Variants in EXO1 observed in about 807,000 individuals in gnomAD.
The protein encoded by EXO1 is exonuclease 1.
A neutral mutation model predicts 84.5 loss-of-function variants in EXO1; 69 were observed. That is an observed-to-expected ratio of 0.82 (90% CI 0.67 to 1.00). EXO1 has a LOEUF of 1.00. EXO1 is among the 50% of genes least tolerant of loss of function. EXO1 has a pLI of 0.00. For missense variants in EXO1, 1,045 were observed against 1,000.7 expected, an observed-to-expected ratio of 1.04 and a Z score of -0.60; for synonymous variants, 373 against 366.1, an observed-to-expected ratio of 1.02 and a Z score of -0.21.
intron 10 of EXO1, among the ~76,000 whole-genome samples, chr1:241,863,427 A>G (rs985141441): frequency 5.3e-5 from 8 of 151,332 alleles, no homozygotes; most frequent in African/African-American, 1.9e-4. Flanking sequence ...AAAAAACAAA[A>G]AAAGCGTATG....
chr1:241,882,425 C>T (rs187912542), intron 14 of EXO1, among the ~76,000 whole-genome samples: 1 of 152,230 alleles, frequency 6.6e-6, no homozygotes. Context: ...TTACTGGTCC[C>T]AAGGCATGTA....
Position 241,861,506 on chromosome 1 carries a change from A to G in EXO1, c.1041+4A>G, listed in dbSNP as rs772470060. 1.0e-5 allele frequency: 15 copies of G among 1,487,224 alleles called. No individual in the cohort carries two copies. Among genetic ancestry groups the G allele is most frequent in the Non-Finnish European group, 1.4e-5 (15 of 1,064,272 alleles). 92.1% of individuals were successfully genotyped at this position (1,487,224 alleles called of 1,614,324 possible). A position where few individuals can be genotyped will look rare whatever the true frequency, so the allele number is the denominator to read the frequency against. On this transcript the variant is annotated splice_donor_region_variant and intron_variant, in intron 10 of 15. Coordinates refer to ENST00000366548, the MANE Select transcript of EXO1 (RefSeq NM_130398.4). ...CTACAATCCAGACACTGCTATGGTA[A>G]CGTTTTGATGACCACCCTATGAAAA...
intron 12 of EXO1, among the ~76,000 whole-genome samples, chr1:241,874,306 C>T (rs534250239): frequency 9.2e-5 from 14 of 152,180 alleles, no homozygotes; most frequent in African/African-American, 2.6e-4. Flanking sequence ...GGCTGAGACA[C>T]GAGAATTGCT....
chr1:241,878,798 A>G lies in EXO1; in HGVS notation c.1564A>G (p.Ile522Val). The G allele has an allele frequency of 1.2e-6, 2 of 1,614,068 alleles. No individual in the cohort carries two copies. The highest frequency in any genetic ancestry group is 1.7e-6 in the Non-Finnish European group (2 of 1,180,000). Residue 522 changes from isoleucine (I) to valine (V), a missense_variant, in exon 13 of 16, where the codon ATC becomes GTC. Transcript: ENST00000366548. ...TGACTGTGTATCAAACAAAGTGAGC[A>G]TCCAGCCTCTGGATGAAACTGCTGT... ...STDCVSNKVS[I>V]QPLDETAVTD...
At chr1:241,884,091 A>G (rs1662913872) in intron 14 of EXO1, among the ~76,000 whole-genome samples, 1 of 152,120 alleles carries the variant, frequency 6.6e-6, no homozygotes, top group South Asian at 2.1e-4. Context: ...ATAAAATTAT[A>G]TTATCTGCCA....
chr1:241,875,653 C>A (rs563786574), intron 12 of EXO1, among the ~76,000 whole-genome samples: 138 of 152,118 alleles, frequency 9.1e-4, no homozygotes, highest in Non-Finnish European at 1.8e-3. Context: ...CCAAGGCGGT[C>A]GGATCATGAG....
At chr1:241,863,016 A>T (rs551098554) in intron 10 of EXO1, among the ~76,000 whole-genome samples, 7 of 152,322 alleles carry the variant, frequency 4.6e-5, no homozygotes, top group Admixed American at 4.6e-4. Flanking sequence ...AAGGGATTCT[A>T]TAGAAAGAAA....
chr1:241,859,497 A>G (rs1329449187), intron 8 of EXO1, among the ~76,000 whole-genome samples: 1 of 152,222 alleles, frequency 6.6e-6, no homozygotes, highest in African/African-American at 2.4e-5. Context: ...TAAGGCTTAT[A>G]TGAAACATAA....
chr1:241,883,744 G>GGTA (rs59128023), intron 14 of EXO1, among the ~76,000 whole-genome samples: 4 of 151,694 alleles, frequency 2.6e-5, no homozygotes, highest in Non-Finnish European at 4.4e-5. Context: ...TATGTATAGT[G>GGTA]TTTTTGTTTA....
chr1:241,874,952 C>T lies in EXO1; in HGVS notation c.1514+2674C>T, dbSNP rs138209452. ...AGAAAAGTTACCAGCTCCTGTATTC[C>T]ACTAGAAGACTTCGAATGAATAGTC... On this transcript the variant is annotated intron_variant, in intron 12 of 15. Coordinates refer to ENST00000366548, the MANE Select transcript of EXO1 (RefSeq NM_130398.4). Among the ~76,000 whole-genome samples, 12 of 152,238 alleles carry T rather than the reference C, an allele frequency of 7.9e-5. No homozygotes were observed. In the East Asian group the frequency reaches 1.9e-3, roughly 24 times the overall value.
rs369253528 is a variant in EXO1 at position 241,866,839 on chromosome 1, T to G, written c.1051T>G (p.Ser351Ala). The G allele has an allele frequency of 1.2e-6, 2 of 1,610,354 alleles. No individual in the cohort carries two copies. Among genetic ancestry groups the G allele is most frequent in the Non-Finnish European group, 8.5e-7 (1 of 1,176,514 alleles). Reference protein sequence around the residue: ...YNPDTAMPAHSRSHSWDDKTC... With the variant: ...YNPDTAMPAHARSHSWDDKTC... ...CCTTTTCCTTTTCTAGCCTGCCCAT[T>G]CAAGAAGTCATAGTTGGGATGACAA... is the stretch of plus-strand genomic sequence containing the variant. Residue 351 changes from serine (S) to alanine (A), a missense_variant, in exon 11 of 16, where the codon TCA (serine) becomes GCA (alanine). By Grantham distance (99) the Ser-to-Ala change is moderately conservative (BLOSUM62 1). Transcript: ENST00000366548.
At position 241,885,589 on chromosome 1, in the gene EXO1, A is replaced by G. The variant is rs1265770568; in HGVS notation, c.2405+82A>G. The G allele has an allele frequency of 1.3e-5, 14 of 1,057,606 alleles. No homozygotes were observed. In the Admixed American group the frequency reaches 2.2e-4, roughly 17 times the overall value. The allele number at this position is 1,057,606 out of a possible 1,614,324, so 65.5% of individuals were successfully genotyped here. ...CCATCCCTTTCTCCCAACTCTTCCT[A>G]GTTTCGTATGAGTTTTTGTTTCTCT... On this transcript the variant is annotated intron_variant, in intron 15 of 15. Coordinates refer to ENST00000366548, the MANE Select transcript of EXO1 (RefSeq NM_130398.4).
At chr1:241,887,584 T>A (rs1003146634) in intron 15 of EXO1, among the ~76,000 whole-genome samples, 2 of 152,194 alleles carry the variant, frequency 1.3e-5, no homozygotes, top group African/African-American at 2.4e-5. Context: ...ACAAATACTC[T>A]TAGTTGTTTT....
Position 241,860,593 on chromosome 1 carries a change from C to A in EXO1, c.833C>A (p.Ala278Asp). Residue 278 changes from alanine to aspartate, a missense_variant, in exon 9 of 16, where the codon GCC (alanine) becomes GAC (aspartate). Transcript: ENST00000366548. ...GATTACATCAACGGGTTTATTCGGG[C>A]CAACAATACCTTCCTCTATCAGCTA... ...PEDYINGFIR[A>D]NNTFLYQLVF... 6.2e-7 allele frequency: 1 copy of A among 1,613,714 alleles called. No homozygotes were observed. Among genetic ancestry groups the A allele is most frequent in the Non-Finnish European group, 8.5e-7 (1 of 1,179,642 alleles).
At chr1:241,885,593 T>G in intron 15 of EXO1, 86 bp downstream of exon 15, 1 of 1,028,774 alleles carries the variant, frequency 9.7e-7, no homozygotes. Flanking sequence ...CTTCCTAGTT[T>G]CGTATGAGTT....
At chr1:241,852,207 A>C in intron 4 of EXO1, 85 bp from the exon 5 acceptor site, 1 of 1,200,324 alleles carries the variant, frequency 8.3e-7, no homozygotes, top group Non-Finnish European at 1.2e-6. Context: ...TTCTCTTTCC[A>C]TAGTTTTCTC....
At chr1:241,889,438 C>A (rs775816826) in intron 15 of EXO1, 27 bp from the exon 16 acceptor site, 28 of 1,604,822 alleles carry the variant, frequency 1.7e-5, no homozygotes, top group Non-Finnish European at 2.4e-5. Flanking sequence ...CTTAAAAATA[C>A]CAAATGTATT....
At position 241,857,236 on chromosome 1, in the gene EXO1, A is replaced by G; in HGVS notation, c.406-109A>G. The G allele has an allele frequency of 5.9e-6, 6 of 1,018,968 alleles. No individual in the cohort carries two copies. The East Asian group carries it at 1.5e-4, about 25-fold the overall frequency. 63.1% of individuals were successfully genotyped at this position (1,018,968 alleles called of 1,614,324 possible). A position where few individuals can be genotyped will look rare whatever the true frequency, so the allele number is the denominator to read the frequency against. Reference sequence around the variant, plus strand: ...TCAAAGGAAATGATTTCTCAAAGTAATATTAGCATGTGCCTGCTGAGGCTA... The same window carrying G: ...TCAAAGGAAATGATTTCTCAAAGTAGTATTAGCATGTGCCTGCTGAGGCTA... On this transcript the variant is annotated intron_variant, in intron 6 of 15. Transcript: ENST00000366548.
intron 10 of EXO1, among the ~76,000 whole-genome samples, chr1:241,863,435 A>T (rs976236765): frequency 2.0e-5 from 3 of 150,904 alleles, no homozygotes; most frequent in Non-Finnish European, 3.0e-5. Flanking sequence ...AAAAAAGCGT[A>T]TGTAGAAAAA....
Sources: gnomAD v4.1 joint callset for allele counts (sites outside exome capture counted in the v4.1 genomes callset) on GRCh38, gnomAD v4.1.1 for gene constraint, MANE v1.5 for transcripts, NCBI Gene and HGNC (gene_info 2026-07-23, HGNC 2026-07-21) for gene names.